Variants in APC observed in about 807,000 individuals in gnomAD.
APC encodes the protein adenomatous polyposis coli protein.
In APC, 72 loss-of-function variants were observed where a neutral mutation model predicts 247.0. The ratio of observed to expected loss-of-function variants is 0.29; its 90% CI spans 0.24 to 0.35. APC has a LOEUF of 0.35. Among genes scored for constraint, APC ranks in the 10% least tolerant of loss-of-function variants. The pLI is 1.00. For synonymous variants in APC, 1,254 were observed against 1,162.5 expected (o/e 1.08, Z -1.60); for missense variants, 3,400 against 3,360.7 (o/e 1.01, Z -0.29).
rs1191401517 is a variant in APC, at chr5:112,707,863, A to G, written c.146A>G (p.His49Arg). Residue 49 changes from histidine to arginine, a missense_variant, in exon 1 of 14, where the codon CAC becomes CGC. Coordinates refer to the APC transcript ENST00000507379. The stretch of plus-strand genomic sequence containing the variant: ...CCGGGCGGCGCTCGTACTTCTGGCC[A>G]CTGGGCGAGCGTCTGGCAGGTGAGT... 7.3e-7 allele frequency: 1 copy of G among 1,369,338 alleles called. No homozygotes were observed. The highest frequency in any genetic ancestry group is 1.4e-5 in the African/African-American group (1 of 69,638). 84.8% of individuals were successfully genotyped at this position (1,369,338 alleles called of 1,614,324 possible). A position where few individuals can be genotyped will look rare whatever the true frequency, so the allele number is the denominator to read the frequency against.
At chr5:112,811,573 T>A (rs1761987339) in intron 8 of APC, among the ~76,000 whole-genome samples, 1 of 152,170 alleles carries the variant, frequency 6.6e-6, no homozygotes. Context: ...GACAGATTGG[T>A]GAATGAAGAG....
chr5:112,752,783 C>T (rs1581114738), intron 1 of APC, among the ~76,000 whole-genome samples: 1 of 152,082 alleles, frequency 6.6e-6, no homozygotes, highest in Non-Finnish European at 1.5e-5. Flanking sequence ...GGTATTCTTC[C>T]ATGAAACTTG....
chr5:112,766,358 A>C lies in APC; in HGVS notation c.168A>C (p.Glu56Asp), dbSNP rs1554069532. Residue 56 changes from glutamate to aspartate, a missense_variant, in exon 3 of 16, where the codon GAA becomes GAC. Transcript: ENST00000257430. ...EVLKQLQGSI[E>D]DEAMASSGQI... ...TTAAACAACTACAAGGAAGTATTGAAGATGAAGCTATGGCTTCTTCTGGAC... is the reference window on the plus strand; with the variant it reads ...TTAAACAACTACAAGGAAGTATTGACGATGAAGCTATGGCTTCTTCTGGAC... 1 of 1,611,338 alleles carries C rather than the reference A, an allele frequency of 6.2e-7. No homozygotes were observed. Among genetic ancestry groups the C allele is most frequent in the African/African-American group, 1.3e-5 (1 of 74,858 alleles).
chr5:112,763,009 A>G (rs547593767), intron 2 of APC, among the ~76,000 whole-genome samples: 2 of 152,308 alleles, frequency 1.3e-5, no homozygotes, highest in South Asian at 4.1e-4. Flanking sequence ...AGCACTTACA[A>G]AAGTAATTTA....
In APC at chr5:112,840,130, T is replaced by A. The variant is rs1298709785; in HGVS notation, c.4536T>A (p.Asp1512Glu). The A allele has an allele frequency of 6.2e-7, 1 of 1,614,148 alleles. No homozygotes were observed. Among genetic ancestry groups the A allele is most frequent in the Non-Finnish European group, 8.5e-7 (1 of 1,180,026 alleles). ...CCAGCCTGAGTGCTCTGAGCCTCGA[T>A]GAGCCATTTATACAGAAAGATGTGG... is the stretch of plus-strand genomic sequence containing the variant. ...CSSSLSALSL[D>E]EPFIQKDVEL... Residue 1512 changes from aspartate (D) to glutamate (E), a missense_variant, in exon 16 of 16, where the codon GAT becomes GAA. This residue lies in a region of APC where 1,788 missense variants were observed against 1,649.5 expected (regional missense o/e 1.08). Transcript: ENST00000257430. This position sits in a 1 kb window ranked among gnomAD's most constrained non-coding sequence, Gnocchi z 4.1.
At chr5:112,817,814 G>T (rs1762659730) in intron 9 of APC, among the ~76,000 whole-genome samples, 1 of 152,150 alleles carries the variant, frequency 6.6e-6, no homozygotes, top group Non-Finnish European at 1.5e-5. Context: ...GAGGCTCAGA[G>T]AAATCAAATA....
chr5:112,746,353 A>T (rs2149708387), intron 1 of APC, among the ~76,000 whole-genome samples: 1 of 152,314 alleles, frequency 6.6e-6, no homozygotes, highest in Admixed American at 6.5e-5. Context: ...AATAGACACT[A>T]TTCAAACTAT....
intron 8 of APC, among the ~76,000 whole-genome samples, chr5:112,811,644 G>A (rs1561530086): frequency 6.6e-6 from 1 of 152,176 alleles, no homozygotes; most frequent in African/African-American, 2.4e-5. Flanking sequence ...GAAAAGATTT[G>A]TTGTCTACAC....
At chr5:112,821,720 AT>A (rs1040981214) in intron 10 of APC, among the ~76,000 whole-genome samples, 175 bp from the exon 11 acceptor site, 3 of 152,136 alleles carry the variant, frequency 2.0e-5, no homozygotes, top group Non-Finnish European at 2.9e-5. Flanking sequence ...CTTTATTCCT[AT>A]TTTTTGTTCC....
chr5:112,757,411 C>G lies in APC; in HGVS notation c.135+2386C>G, dbSNP rs142888334. 2.0e-4 allele frequency among the ~76,000 whole-genome samples: 31 copies of G among 152,176 alleles called. No individual in the cohort carries two copies. In the East Asian group the frequency reaches 3.9e-3, roughly 19 times the overall value. ...CCTTATATAAACTCGAATCACGTTT[C>G]CTGTTCATTAATCTCTTTACCCCCA... is the stretch of plus-strand genomic sequence containing the variant. On this transcript the variant is annotated intron_variant, in intron 2 of 15. Transcript: ENST00000257430.
chr5:112,815,471 A>T lies in APC; in HGVS notation c.835-24A>T, dbSNP rs200399868. On this transcript the variant is annotated intron_variant, in intron 8 of 15. Transcript: ENST00000257430. ...ATTTACCTATAGTCTAAATTATACC[A>T]TCTATAATGTGCTTAATTTTTAGGG... The T allele has an allele frequency of 7.1e-4, 1,098 of 1,548,578 alleles. 1 individual carries two copies. The highest frequency in any genetic ancestry group is 3.5e-3 in the Admixed American group (211 of 59,666).
intron 1 of APC, among the ~76,000 whole-genome samples, chr5:112,732,667 A>T (rs1217998605): frequency 6.6e-6 from 1 of 152,198 alleles, no homozygotes; most frequent in Non-Finnish European, 1.5e-5. Flanking sequence ...TATGAGACAA[A>T]ATCAGGTGAG....
intron 2 of APC, among the ~76,000 whole-genome samples, chr5:112,764,431 A>G (rs193073548): frequency 1.3e-4 from 20 of 152,344 alleles, no homozygotes; most frequent in Non-Finnish European, 1.9e-4. Context: ...TAGAATCACC[A>G]GAAATCCATA....
At chr5:112,759,810 G>T (rs1161491149) in intron 2 of APC, among the ~76,000 whole-genome samples, 1 of 152,094 alleles carries the variant, frequency 6.6e-6, no homozygotes, top group South Asian at 2.1e-4. Flanking sequence ...TTTAAAAGCT[G>T]CCACTTCTCA....
chr5:112,803,211 G>A (rs1761020829), intron 8 of APC, among the ~76,000 whole-genome samples: 1 of 152,118 alleles, frequency 6.6e-6, no homozygotes, highest in South Asian at 2.1e-4. Context: ...GAGCAATTTT[G>A]TCAAATGCAT....
At chr5:112,822,996 G>A (rs1212646276) in intron 11 of APC, among the ~76,000 whole-genome samples, 2 of 152,154 alleles carry the variant, frequency 1.3e-5, no homozygotes, top group African/African-American at 4.8e-5. Context: ...TAGTGGTGTA[G>A]CAATTGGCCT....
intron 10 of APC, among the ~76,000 whole-genome samples, chr5:112,821,252 T>A (rs1377114937): frequency 6.6e-6 from 1 of 152,052 alleles, no homozygotes; most frequent in Non-Finnish European, 1.5e-5. Context: ...GTGCCTATAA[T>A]TCTAGCACTA....
At chr5:112,743,417 T>C (rs948899818) in intron 1 of APC, among the ~76,000 whole-genome samples, 3 of 108,662 alleles carry the variant, frequency 2.8e-5, no homozygotes, top group Non-Finnish European at 6.2e-5. Flanking sequence ...CATCTGGTTC[T>C]CCATTTTTTT....
At chr5:112,804,514 G>C (rs1178074072) in intron 8 of APC, among the ~76,000 whole-genome samples, 1 of 151,994 alleles carries the variant, frequency 6.6e-6, no homozygotes, top group Non-Finnish European at 1.5e-5. Flanking sequence ...CGAGTAGCTG[G>C]GACTACAGGT....
Sources: gnomAD v4.1 joint callset for allele counts (sites outside exome capture counted in the v4.1 genomes callset) on GRCh38, gnomAD v4.1.1 for gene constraint, gnomAD v4.1.1 regional missense constraint, Gnocchi (gnomAD v3.1) non-coding constraint, MANE v1.5 for transcripts, NCBI Gene and HGNC (gene_info 2026-07-23, HGNC 2026-07-21) for gene names.